The following TRABD2A variants were observed in gnomAD, a reference collection of about 807,000 sequenced individuals.
TRABD2A encodes TraB domain containing 2A, also known as metalloprotease TIKI1.
A neutral mutation model predicts 45.6 loss-of-function variants in TRABD2A; 43 were observed. The ratio of observed to expected loss-of-function variants is 0.94; its 90% CI spans 0.74 to 1.22. TRABD2A has a LOEUF of 1.22. Among genes scored for constraint, TRABD2A ranks in the 50% most tolerant of loss-of-function variants. TRABD2A has a pLI of 0.00. For missense variants in TRABD2A, 642 were observed against 652.4 expected (o/e 0.98, Z 0.17); for synonymous variants, 269 against 265.0 (o/e 1.02, Z -0.15).
chr2:84,856,200 T>A (rs1682296655), intron 2 of TRABD2A, among the ~76,000 whole-genome samples: 1 of 152,022 alleles, frequency 6.6e-6, no homozygotes, highest in Non-Finnish European at 1.5e-5. Context: ...GATAATTTTT[T>A]AAGACATCTT....
At chr2:84,847,708 C>A (rs11686804) in intron 2 of TRABD2A, among the ~76,000 whole-genome samples, 3,961 of 152,312 alleles carry the variant, frequency 0.026, 86 homozygotes, top group South Asian at 0.063. Context: ...CCTTCCTTTA[C>A]AGTTTCTGTT....
chr2:84,878,828 C>T (rs965748590), intron 1 of TRABD2A, among the ~76,000 whole-genome samples: 1 of 152,210 alleles, frequency 6.6e-6, no homozygotes, highest in African/African-American at 2.4e-5. Context: ...AATGCCCTTA[C>T]AGCATGTGGG....
At chr2:84,851,915 T>C (rs1682109976) in intron 2 of TRABD2A, among the ~76,000 whole-genome samples, 1 of 152,226 alleles carries the variant, frequency 6.6e-6, no homozygotes. Flanking sequence ...GCCGTTAATT[T>C]GCTCCATCTC....
At chr2:84,846,263 A>G (rs746766253) in intron 2 of TRABD2A, among the ~76,000 whole-genome samples, 2 of 152,208 alleles carry the variant, frequency 1.3e-5, no homozygotes, top group Admixed American at 6.5e-5. Flanking sequence ...AATCTCTAGC[A>G]TGATTTCCTG....
intron 2 of TRABD2A, among the ~76,000 whole-genome samples, chr2:84,846,135 G>A (rs924320470): frequency 3.3e-4 from 50 of 152,192 alleles, no homozygotes; most frequent in African/African-American, 1.1e-3. Context: ...GAGCACTATG[G>A]TGAGGAGACC....
chr2:84,829,685 TACAC>T (rs1458066248), intron 5 of TRABD2A, among the ~76,000 whole-genome samples: 1 of 139,674 alleles, frequency 7.2e-6, no homozygotes, highest in Non-Finnish European at 1.5e-5. Flanking sequence ...CCCACACACA[TACAC>T]ACAACACACA....
chr2:84,845,576 A>ACAAAGTTGGGGG (rs1559089716), intron 2 of TRABD2A, among the ~76,000 whole-genome samples: 2 of 151,610 alleles, frequency 1.3e-5, no homozygotes, highest in Non-Finnish European at 2.9e-5. Flanking sequence ...AGGGCGGGGG[A>ACAAAGTTGGGGG]AGAAGGGTAG....
chr2:84,878,081 T>C (rs549152458), intron 1 of TRABD2A, among the ~76,000 whole-genome samples: 4 of 152,180 alleles, frequency 2.6e-5, no homozygotes, highest in Non-Finnish European at 5.9e-5. Context: ...GGAAGGCAGA[T>C]GGTAGTGGTG....
rs1410065891 is a variant in TRABD2A, at chr2:84,841,939, G to A, written c.738C>T (p.Pro246=). 4 of 1,548,744 alleles carry A rather than the reference G, an allele frequency of 2.6e-6. No individual in the cohort carries two copies. Among genetic ancestry groups the A allele is most frequent in the South Asian group, 1.2e-5 (1 of 83,766 alleles). Residue 246 remains proline (P), a synonymous_variant, in exon 3 of 7, where the codon CCC becomes CCT. Transcript: ENST00000409520. ...ESLRAGSLQI[P]YTTEDLIKHY... is the part of the protein sequence containing the mutation. ...GTTTGATGAGATCCTCCGTCGTGTA[G>A]GGGATCTGAAGACTGCCTGCTCGCA...
At chr2:84,863,837 T>A (rs551833010) in intron 2 of TRABD2A, among the ~76,000 whole-genome samples, 1 of 152,246 alleles carries the variant, frequency 6.6e-6, no homozygotes, top group Non-Finnish European at 1.5e-5. Flanking sequence ...GGTCTCGATC[T>A]CCTGACGAGA....
chr2:84,823,070 G>C lies in TRABD2A; in HGVS notation c.1334+883C>G, dbSNP rs148225723. Among the ~76,000 whole-genome samples the C allele has an allele frequency of 7.6e-4, 115 of 152,214 alleles. 3 individuals are homozygous for C. In the East Asian group the frequency reaches 0.022, roughly 29 times the overall value. ...TTTATTAAGCACCTGTGCAGGCCCT[G>C]AATCCCTGCGTCTACTGATCCAGAC... On this transcript the variant is annotated intron_variant, in intron 6 of 6. Coordinates refer to ENST00000409520, the MANE Select transcript of TRABD2A (RefSeq NM_001277053.2).
chr2:84,840,422 G>A (rs1169388565), intron 3 of TRABD2A, among the ~76,000 whole-genome samples: 1 of 152,062 alleles, frequency 6.6e-6, no homozygotes, highest in African/African-American at 2.4e-5. Context: ...CTGACATCCT[G>A]CTCCACCTTC....
intron 2 of TRABD2A, among the ~76,000 whole-genome samples, chr2:84,858,629 C>CA (rs1682394067): frequency 6.6e-6 from 1 of 152,200 alleles, no homozygotes; most frequent in Non-Finnish European, 1.5e-5. Context: ...GGATGTCTGT[C>CA]ACTTCTGCTC....
At chr2:84,831,632 C>T (rs1016208375) in intron 5 of TRABD2A, among the ~76,000 whole-genome samples, 9 of 152,162 alleles carry the variant, frequency 5.9e-5, no homozygotes, top group African/African-American at 1.9e-4. Flanking sequence ...CATGCACTCC[C>T]TGCACCCCTA....
At chr2:84,866,834 C>T (rs993940232) in intron 2 of TRABD2A, among the ~76,000 whole-genome samples, 1 of 152,206 alleles carries the variant, frequency 6.6e-6, no homozygotes, top group Non-Finnish European at 1.5e-5. Flanking sequence ...CCTGTAATCG[C>T]AGCACTTTGG....
chr2:84,829,217 G>C (rs898027409), intron 5 of TRABD2A, among the ~76,000 whole-genome samples: 1 of 151,902 alleles, frequency 6.6e-6, no homozygotes, highest in Non-Finnish European at 1.5e-5. Flanking sequence ...TTTTCTCCCC[G>C]GGGAAGTGAG....
intron 1 of TRABD2A, among the ~76,000 whole-genome samples, chr2:84,871,519 T>C (rs1161917215): frequency 6.6e-6 from 1 of 152,082 alleles, no homozygotes; most frequent in African/African-American, 2.4e-5. Flanking sequence ...TCTCACTCTG[T>C]TGCCCAGGCT....
chr2:84,824,002 T>C lies in TRABD2A; in HGVS notation c.1285A>G (p.Arg429Gly). Residue 429 changes from arginine to glycine, a missense_variant, in exon 6 of 7, where the codon AGG becomes GGG. By Grantham distance (125) the Arg-to-Gly change is moderately radical. Transcript: ENST00000409520. ...FRKKRRRSQR[R>G]PRLRQFSDLW... The stretch of plus-strand genomic sequence containing the variant: ...TCGCTGAATTGCCGGAGTCGCGGCC[T>C]CCGCTGTGACCGCCTCCGCTTCTTC... 4 of 1,613,840 alleles carry C rather than the reference T, an allele frequency of 2.5e-6. No individual in the cohort carries two copies. Among genetic ancestry groups the C allele is most frequent in the Non-Finnish European group, 3.4e-6 (4 of 1,179,782 alleles).
chr2:84,863,633 A>T, intron 2 of TRABD2A, among the ~76,000 whole-genome samples: 1 of 105,742 alleles, frequency 9.5e-6, no homozygotes. Context: ...TCTTTTTGAG[A>T]CAGAGTCTCG....
Sources: allele counts gnomAD v4.1 joint callset (sites outside exome capture counted in the v4.1 genomes callset), GRCh38; gene constraint gnomAD v4.1.1; transcripts MANE v1.5; gene names NCBI Gene and HGNC (gene_info 2026-07-23, HGNC 2026-07-21).